The following PRKCB variants were observed in gnomAD, a reference collection of about 807,000 sequenced individuals.
PRKCB encodes the protein protein kinase C beta type.
Under a neutral mutation model 81.5 loss-of-function variants are expected in PRKCB, and 13 were observed. That is an observed-to-expected ratio of 0.16 (90% CI 0.10 to 0.25). The LOEUF (loss-of-function observed/expected upper bound fraction) is 0.25. PRKCB is among the 10% of genes least tolerant of loss of function. PRKCB has a pLI of 1.00. For missense variants in PRKCB, 509 were observed against 875.7 expected, an observed-to-expected ratio of 0.58 and a Z score of 5.29; for synonymous variants, 335 against 321.4, an observed-to-expected ratio of 1.04 and a Z score of -0.45.
At chr16:24,185,600 C>T (rs994787102) in intron 15 of PRKCB, 33 bp downstream of exon 15, 1 of 1,568,162 alleles carries the variant, frequency 6.4e-7, no homozygotes, top group Non-Finnish European at 8.8e-7. Flanking sequence ...TGACCAGGAC[C>T]ACCACATAAA....
chr16:23,858,376 G>A (rs992322947), intron 2 of PRKCB, among the ~76,000 whole-genome samples: 63 of 152,176 alleles, frequency 4.1e-4, no homozygotes, highest in African/African-American at 1.2e-3. Context: ...GGAAGGCCCC[G>A]TAAGAGTGTG....
rs1966855493 is a variant in PRKCB at position 24,132,834 on chromosome 16, G to A, written c.1065+8853G>A. Among the ~76,000 whole-genome samples, 4 of 150,750 alleles carry A rather than the reference G, an allele frequency of 2.7e-5. No homozygotes were observed. In the South Asian group the frequency reaches 8.4e-4, roughly 32 times the overall value. ...CTCACTCTGTCACCCAGGCTGGAGG[G>A]CAGTGGTGCAATCATAGCTCACTGC... On this transcript the variant is annotated intron_variant, in intron 9 of 16. Transcript: ENST00000643927.
In PRKCB at chr16:23,950,075, C is replaced by G. The variant is rs146694759; in HGVS notation, c.206-38433C>G. Among the ~76,000 whole-genome samples the G allele has an allele frequency of 3.6e-3, 539 of 151,384 alleles. 3 individuals are homozygous for G. The highest frequency in any genetic ancestry group is 0.012 in the African/African-American group (501 of 41,320). On this transcript the variant is annotated intron_variant, in intron 2 of 16. Coordinates refer to ENST00000643927, the MANE Select transcript of PRKCB (RefSeq NM_002738.7). The stretch of plus-strand genomic sequence containing the variant: ...TCGCCGTGGGGCGGATGTGGCCTCC[C>G]CAGTGGCCCACTTCCTCCTGCTTCT...
At chr16:23,998,348 A>G (rs890119936) in intron 3 of PRKCB, among the ~76,000 whole-genome samples, 6 of 152,186 alleles carry the variant, frequency 3.9e-5, no homozygotes, top group African/African-American at 1.2e-4. Flanking sequence ...AATTATGTAC[A>G]CCAATTCACG....
intron 5 of PRKCB, 98 bp downstream of exon 5, chr16:24,035,645 G>T: frequency 1.8e-6 from 2 of 1,117,790 alleles, no homozygotes; most frequent in Non-Finnish European, 1.2e-6. Context: ...CAGTGGAGGG[G>T]TGGGGCAGTC....
intron 9 of PRKCB, among the ~76,000 whole-genome samples, chr16:24,152,489 G>C (rs961305095): frequency 6.6e-6 from 1 of 152,128 alleles, no homozygotes; most frequent in African/African-American, 2.4e-5. Flanking sequence ...CTGGGCTCTG[G>C]AGTTTCTCAG....
At position 24,008,093 on chromosome 16, in the gene PRKCB, C is replaced by T. The variant is rs151183959; in HGVS notation, c.288+19503C>T. Among the ~76,000 whole-genome samples the T allele has an allele frequency of 1.8e-4, 28 of 152,208 alleles. No homozygotes were observed. The East Asian group carries it at 3.7e-3, about 20-fold the overall frequency. On this transcript the variant is annotated intron_variant, in intron 3 of 16. Transcript: ENST00000643927. ...TAATAATTCTTCATTCTTCATTACA[C>T]CCTGTGAGATAGGTTATCATTGTTA...
intron 16 of PRKCB, among the ~76,000 whole-genome samples, chr16:24,193,390 A>G (rs1056763509): frequency 6.6e-6 from 1 of 151,882 alleles, no homozygotes; most frequent in Non-Finnish European, 1.5e-5. Context: ...GGTTGCAGTG[A>G]GCTGAGATTG....
intron 2 of PRKCB, among the ~76,000 whole-genome samples, chr16:23,957,251 C>T (rs540486579): frequency 6.6e-6 from 1 of 152,122 alleles, no homozygotes; most frequent in Non-Finnish European, 1.5e-5. Context: ...AGTTTTAGGA[C>T]ATGTCAGGGA....
chr16:23,932,510 C>G (rs769906072), intron 2 of PRKCB, among the ~76,000 whole-genome samples: 31 of 152,204 alleles, frequency 2.0e-4, no homozygotes, highest in Non-Finnish European at 2.2e-4. Context: ...TGATCCCTGA[C>G]TGAACCAGGT....
At chr16:23,895,583 T>G (rs1357310825) in intron 2 of PRKCB, among the ~76,000 whole-genome samples, 1 of 152,190 alleles carries the variant, frequency 6.6e-6, no homozygotes, top group East Asian at 1.9e-4. Flanking sequence ...ACATTTCTAA[T>G]GTACTTTTAT....
At chr16:24,023,919 C>T (rs1965441823) in intron 3 of PRKCB, among the ~76,000 whole-genome samples, 1 of 152,132 alleles carries the variant, frequency 6.6e-6, no homozygotes. Flanking sequence ...AGTCCCTGAG[C>T]CAAGGCAATT....
At chr16:23,999,140 T>C (rs1016862090) in intron 3 of PRKCB, among the ~76,000 whole-genome samples, 17 of 152,238 alleles carry the variant, frequency 1.1e-4, no homozygotes, top group Non-Finnish European at 2.1e-4. Context: ...CCACACCTGC[T>C]TGCCCACCTG....
At chr16:23,889,706 A>G (rs1355294795) in intron 2 of PRKCB, among the ~76,000 whole-genome samples, 2 of 152,256 alleles carry the variant, frequency 1.3e-5, no homozygotes, top group Non-Finnish European at 2.9e-5. Context: ...TGGCTGCTCT[A>G]TCAACTTGCT....
intron 7 of PRKCB, among the ~76,000 whole-genome samples, chr16:24,110,052 T>C (rs1966652068): frequency 7.8e-6 from 1 of 127,428 alleles, no homozygotes; most frequent in South Asian, 2.3e-4. Context: ...AGCAGTACAG[T>C]CCAGCTTCGG....
chr16:24,075,657 T>G lies in PRKCB; in HGVS notation c.530-17134T>G, dbSNP rs141703107. ...ATTCTAATGTCAGAAATCCTATCTGTAGGAACAACGAGGTTGCAAATGGTC... is the reference window on the plus strand; with the variant it reads ...ATTCTAATGTCAGAAATCCTATCTGGAGGAACAACGAGGTTGCAAATGGTC... On this transcript the variant is annotated intron_variant, in intron 5 of 16. Coordinates refer to ENST00000643927, the MANE Select transcript of PRKCB (RefSeq NM_002738.7). Among the ~76,000 whole-genome samples the G allele has an allele frequency of 3.7e-3, 563 of 152,338 alleles. 1 individual carries two copies. The highest frequency in any genetic ancestry group is 0.013 in the African/African-American group (520 of 41,582).
chr16:24,179,812 A>G (rs188943545), intron 12 of PRKCB, among the ~76,000 whole-genome samples: 6 of 152,306 alleles, frequency 3.9e-5, no homozygotes, highest in African/African-American at 9.6e-5. Flanking sequence ...TGTAATAATC[A>G]TGCTTACAGA....
At chr16:24,147,355 C>T (rs1188581194) in intron 9 of PRKCB, among the ~76,000 whole-genome samples, 2 of 151,430 alleles carry the variant, frequency 1.3e-5, no homozygotes, top group Non-Finnish European at 2.9e-5. Flanking sequence ...GAAAGGTCTG[C>T]CCAAGCCACT....
chr16:24,171,644 C>A (rs1967442679), intron 10 of PRKCB, among the ~76,000 whole-genome samples: 2 of 152,078 alleles, frequency 1.3e-5, no homozygotes, highest in Non-Finnish European at 2.9e-5. Flanking sequence ...TTAAAATCAG[C>A]CTTATCCTAA....
Sources: allele counts gnomAD v4.1 joint callset (sites outside exome capture counted in the v4.1 genomes callset), GRCh38; gene constraint gnomAD v4.1.1; transcripts MANE v1.5; gene names NCBI Gene and HGNC (gene_info 2026-07-23, HGNC 2026-07-21).